The following IQCB1 variants were observed in gnomAD, a reference collection of about 807,000 sequenced individuals.
IQCB1 encodes the protein IQ calmodulin-binding motif-containing protein 1.
IQCB1 carries 56 observed loss-of-function variants against 84.4 expected under a neutral mutation model. That is an observed-to-expected ratio of 0.66 (90% CI 0.54 to 0.83). IQCB1 has a LOEUF of 0.83. Among genes scored for constraint, IQCB1 ranks in the 40% least tolerant of loss-of-function variants. IQCB1 has a pLI of 0.00. For synonymous variants in IQCB1, 210 were observed against 234.8 expected (o/e 0.89, Z 0.96); for missense variants, 629 against 682.1 (o/e 0.92, Z 0.87).
intron 8 of IQCB1, among the ~76,000 whole-genome samples, chr3:121,797,631 C>T (rs1166371015): frequency 2.0e-5 from 3 of 151,878 alleles, no homozygotes; most frequent in African/African-American, 7.2e-5. Flanking sequence ...AAATGCTTGC[C>T]CTGTGGAAGC....
intron 12 of IQCB1, 152 bp downstream of exon 12, chr3:121,788,132 G>T: frequency 1.4e-6 from 1 of 725,536 alleles, no homozygotes; most frequent in Non-Finnish European, 2.4e-6. Context: ...TCGGCCAGAG[G>T]TAAGGGGTTT....
At chr3:121,826,557 C>T (rs963093948) in intron 4 of IQCB1, among the ~76,000 whole-genome samples, 1 of 152,084 alleles carries the variant, frequency 6.6e-6, no homozygotes, top group South Asian at 2.1e-4. Context: ...ATTTTAGACA[C>T]CTAATAGCTG....
chr3:121,817,743 A>G (rs1370379329), intron 5 of IQCB1, among the ~76,000 whole-genome samples: 2 of 152,132 alleles, frequency 1.3e-5, no homozygotes, highest in African/African-American at 2.4e-5. Context: ...TCATATGTTG[A>G]AACCCTAACC....
At chr3:121,796,414 T>C (rs1167158158) in intron 9 of IQCB1, among the ~76,000 whole-genome samples, 3 of 152,244 alleles carry the variant, frequency 2.0e-5, no homozygotes, top group Non-Finnish European at 2.9e-5. Flanking sequence ...ATGTTTTCCA[T>C]ATTTAAGTCT....
chr3:121,817,260 G>A (rs568661703), intron 5 of IQCB1, among the ~76,000 whole-genome samples: 26 of 152,118 alleles, frequency 1.7e-4, no homozygotes, highest in Non-Finnish European at 3.5e-4. Flanking sequence ...GCCTGTCAGG[G>A]GGTAGGGAGC....
chr3:121,783,613 C>G (rs1948592956), intron 12 of IQCB1, among the ~76,000 whole-genome samples: 1 of 152,194 alleles, frequency 6.6e-6, no homozygotes, highest in Non-Finnish European at 1.5e-5. Context: ...ATTTTCTACA[C>G]ATTAAAATAC....
rs139185423 is a variant in IQCB1, at chr3:121,785,437, T to C, written c.1278+2847A>G. On this transcript the variant is annotated intron_variant, in intron 12 of 14. Coordinates refer to ENST00000310864, the MANE Select transcript of IQCB1 (RefSeq NM_001023570.4). ...GCCTGGCTAATTTTTGTATTTTTAG[T>C]AGAGATGAGGTTTTGCGACATTGCC... Among the ~76,000 whole-genome samples, 621 of 152,188 alleles carry C rather than the reference T, an allele frequency of 4.1e-3. 2 individuals carry two copies. Among genetic ancestry groups the C allele is most frequent in the Non-Finnish European group, 7.0e-3 (473 of 67,988 alleles).
chr3:121,782,856 T>C (rs143426607), intron 12 of IQCB1, among the ~76,000 whole-genome samples: 40 of 152,242 alleles, frequency 2.6e-4, no homozygotes, highest in Non-Finnish European at 4.9e-4. Flanking sequence ...ATTTTTGTAT[T>C]TTTTAGTAGA....
At chr3:121,811,108 T>C (rs1351803877) in intron 5 of IQCB1, among the ~76,000 whole-genome samples, 1 of 151,962 alleles carries the variant, frequency 6.6e-6, no homozygotes, top group Non-Finnish European at 1.5e-5. Context: ...TTGGGACTGG[T>C]TAGACAATGG....
intron 7 of IQCB1, among the ~76,000 whole-genome samples, chr3:121,800,345 T>C (rs1424930794): frequency 2.6e-5 from 4 of 151,956 alleles, no homozygotes; most frequent in African/African-American, 9.7e-5. Context: ...AATTTTATAT[T>C]TGTATAAGAC....
chr3:121,770,909 C>G (rs1265790314), intron 14 of IQCB1, among the ~76,000 whole-genome samples: 1 of 151,984 alleles, frequency 6.6e-6, no homozygotes, highest in African/African-American at 2.4e-5. Flanking sequence ...TGGACTCAAG[C>G]AATCCTTCTG....
At chr3:121,818,076 G>A (rs1258594327) in intron 5 of IQCB1, among the ~76,000 whole-genome samples, 2 of 152,176 alleles carry the variant, frequency 1.3e-5, no homozygotes, top group African/African-American at 4.8e-5. Flanking sequence ...ACAGCAGCCT[G>A]AACAGAGTAA....
intron 13 of IQCB1, among the ~76,000 whole-genome samples, chr3:121,777,391 G>T (rs1948272431): frequency 6.6e-6 from 1 of 152,184 alleles, no homozygotes; most frequent in African/African-American, 2.4e-5. Flanking sequence ...AATCTGTACA[G>T]CATGTTATTG....
At chr3:121,786,170 C>CAAGAAAAGAAAAGAAAAGAAAAAAG in intron 12 of IQCB1, among the ~76,000 whole-genome samples, 1 of 72,848 alleles carries the variant, frequency 1.4e-5, no homozygotes, top group African/African-American at 6.5e-5. Context: ...GATTCTGTCT[C>CAAGAAAAGAAAAGAAAAGAAAAAAG]AAAAGAAAAG....
At chr3:121,814,932 C>A (rs1332026664) in intron 5 of IQCB1, among the ~76,000 whole-genome samples, 3 of 152,134 alleles carry the variant, frequency 2.0e-5, no homozygotes, top group African/African-American at 7.2e-5. Context: ...CATCCTGATA[C>A]CAAAACCTGT....
intron 5 of IQCB1, among the ~76,000 whole-genome samples, chr3:121,824,883 C>T (rs1950407656): frequency 6.6e-6 from 1 of 151,964 alleles, no homozygotes; most frequent in African/African-American, 2.4e-5. Context: ...ACCTAATTAA[C>T]ACTTATAGAA....
chr3:121,815,508 C>T (rs1438381672), intron 5 of IQCB1, among the ~76,000 whole-genome samples: 2 of 152,220 alleles, frequency 1.3e-5, no homozygotes, highest in East Asian at 3.9e-4. Flanking sequence ...TTAGAAAACC[C>T]CATCGTCTCA....
intron 10 of IQCB1, among the ~76,000 whole-genome samples, chr3:121,792,040 C>G (rs1474944021): frequency 6.6e-6 from 1 of 151,976 alleles, no homozygotes; most frequent in Non-Finnish European, 1.5e-5. Context: ...GAGCCAAGAT[C>G]GTGCCACTGC....
chr3:121,784,291 C>T (rs1308740614), intron 12 of IQCB1, among the ~76,000 whole-genome samples: 2 of 151,788 alleles, frequency 1.3e-5, no homozygotes, highest in African/African-American at 4.8e-5. Context: ...TGCCATCCTG[C>T]TGCCTTAGCC....
Sources: gnomAD v4.1 joint callset for allele counts (sites outside exome capture counted in the v4.1 genomes callset) on GRCh38, gnomAD v4.1.1 for gene constraint, MANE v1.5 for transcripts, NCBI Gene and HGNC (gene_info 2026-07-23, HGNC 2026-07-21) for gene names.